The following MAP2K5 variants were observed in gnomAD, a reference collection of about 807,000 sequenced individuals.
The protein encoded by MAP2K5 is dual specificity mitogen-activated protein kinase kinase 5.
A neutral mutation model predicts 83.1 loss-of-function variants in MAP2K5; 49 were observed. The observed-to-expected ratio is 0.59, with a 90% CI of 0.47 to 0.75. The LOEUF (loss-of-function observed/expected upper bound fraction) is 0.75, where lower values mean the gene tolerates loss of function less well. Among genes scored for constraint, MAP2K5 ranks in the 30% least tolerant of loss-of-function variants. The pLI is 0.00. For missense variants in MAP2K5, 457 were observed against 557.5 expected, an observed-to-expected ratio of 0.82 and a Z score of 1.82; for synonymous variants, 202 against 191.8, an observed-to-expected ratio of 1.05 and a Z score of -0.44.
intron 21 of MAP2K5, among the ~76,000 whole-genome samples, chr15:67,773,228 T>A (rs909464645): frequency 6.6e-6 from 1 of 152,158 alleles, no homozygotes; most frequent in African/African-American, 2.4e-5. Flanking sequence ...GCTACAAGGC[T>A]GCGAGTGCTG....
At chr15:67,567,438 C>T (rs1251239543) in intron 3 of MAP2K5, among the ~76,000 whole-genome samples, 3 of 150,642 alleles carry the variant, frequency 2.0e-5, no homozygotes, top group African/African-American at 7.3e-5. Flanking sequence ...AATCTCGGCT[C>T]ACTGCAAGCT....
intron 13 of MAP2K5, among the ~76,000 whole-genome samples, chr15:67,688,756 T>C (rs1302883569): frequency 6.6e-6 from 1 of 152,014 alleles, no homozygotes; most frequent in Non-Finnish European, 1.5e-5. Context: ...CCCTACAGAG[T>C]TGGAAACTAA....
chr15:67,791,213 G>T (rs541908811), intron 21 of MAP2K5, among the ~76,000 whole-genome samples: 1 of 152,310 alleles, frequency 6.6e-6, no homozygotes, highest in South Asian at 2.1e-4. Context: ...TGAAGCTTTG[G>T]AAGAGGAGAC....
chr15:67,748,390 A>G lies in MAP2K5; in HGVS notation c.1101+133A>G. 1 of 871,236 alleles carries G rather than the reference A, an allele frequency of 1.1e-6. No individual in the cohort carries two copies. The highest frequency in any genetic ancestry group is 2.3e-4 in the Middle Eastern group (1 of 4,380). 54.0% of individuals were successfully genotyped at this position (871,236 alleles called of 1,614,324 possible). On this transcript the variant is annotated intron_variant, in intron 18 of 21. Transcript: ENST00000178640. This position sits in a 1 kb window ranked among gnomAD's most constrained non-coding sequence, Gnocchi z 4.0. ...AAAATGCAAACCTTTAACTGCCTGT[A>G]TTAGATTAGGTACCATTAGAAATAA...
intron 6 of MAP2K5, among the ~76,000 whole-genome samples, chr15:67,591,452 G>A (rs1301069031): frequency 6.6e-6 from 1 of 151,304 alleles, no homozygotes; most frequent in Non-Finnish European, 1.5e-5. Context: ...TTGGCTCACT[G>A]CAAGCTCTGC....
At chr15:67,766,612 G>C (rs2090046310) in intron 19 of MAP2K5, among the ~76,000 whole-genome samples, 1 of 152,172 alleles carries the variant, frequency 6.6e-6, no homozygotes, top group African/African-American at 2.4e-5. Flanking sequence ...CAAATTTACT[G>C]TATGCCTCCC....
chr15:67,769,533 G>T lies in MAP2K5; in HGVS notation c.1135-69G>T, dbSNP rs569103830. On this transcript the variant is annotated intron_variant, in intron 19 of 21. Transcript: ENST00000178640. This position sits in a 1 kb window ranked among gnomAD's most constrained non-coding sequence, Gnocchi z 5.2. ...CTTTATACTCATCCTTCACATGGGTGGGTGGGGAATATAAAGAAAGAGAAG... is the reference window on the plus strand; with the variant it reads ...CTTTATACTCATCCTTCACATGGGTTGGTGGGGAATATAAAGAAAGAGAAG... The T allele has an allele frequency of 3.3e-5, 44 of 1,351,248 alleles. 2 individuals are homozygous for T. In the South Asian group the frequency reaches 5.0e-4, roughly 15 times the overall value. 83.7% of individuals were successfully genotyped at this position (1,351,248 alleles called of 1,614,324 possible).
intron 16 of MAP2K5, among the ~76,000 whole-genome samples, chr15:67,705,735 T>C (rs2088535378): frequency 6.7e-6 from 1 of 148,736 alleles, no homozygotes; most frequent in Non-Finnish European, 1.5e-5. Context: ...AAACTCCATC[T>C]CAAAAAAAAA....
chr15:67,805,461 C>G (rs541753399), intron 21 of MAP2K5, among the ~76,000 whole-genome samples: 2 of 152,216 alleles, frequency 1.3e-5, no homozygotes, highest in Admixed American at 1.3e-4. Context: ...GAGCTCGTGG[C>G]GAGGCCATGC....
intron 13 of MAP2K5, among the ~76,000 whole-genome samples, chr15:67,682,315 C>G (rs1353436782): frequency 6.6e-6 from 1 of 151,720 alleles, no homozygotes; most frequent in Non-Finnish European, 1.5e-5. Flanking sequence ...CTCCTGGGTT[C>G]AAGCGATTCT....
chr15:67,606,616 G>A (rs991514878), intron 8 of MAP2K5, among the ~76,000 whole-genome samples: 3 of 152,126 alleles, frequency 2.0e-5, no homozygotes, highest in African/African-American at 7.2e-5. Flanking sequence ...GTCCTTGGAG[G>A]TGGTAACTGA....
intron 19 of MAP2K5, among the ~76,000 whole-genome samples, chr15:67,767,881 A>G (rs1002949229): frequency 6.6e-6 from 1 of 151,744 alleles, no homozygotes; most frequent in Non-Finnish European, 1.5e-5. Flanking sequence ...TTTCACTCCC[A>G]TTTTTCCTTT....
At chr15:67,604,982 G>A (rs2085748649) in intron 8 of MAP2K5, among the ~76,000 whole-genome samples, 3 of 152,046 alleles carry the variant, frequency 2.0e-5, no homozygotes, top group Admixed American at 2.0e-4. Context: ...GTTAACTACT[G>A]GTAATGGTAG....
chr15:67,657,446 A>G (rs1338715628), intron 11 of MAP2K5, among the ~76,000 whole-genome samples: 1 of 152,154 alleles, frequency 6.6e-6, no homozygotes. Flanking sequence ...TATCTGAAAG[A>G]TCAATGAGAA....
Position 67,586,493 on chromosome 15 carries a change from A to G in MAP2K5, c.364-353A>G, listed in dbSNP as rs536684239. On this transcript the variant is annotated intron_variant, in intron 5 of 21. Transcript: ENST00000178640. ...TGTTCTGCTTGGTTGCAGAGCTGGA[A>G]GGATATAACTTGAGGTTCACTACTA... Among the ~76,000 whole-genome samples, 3 of 152,274 alleles carry G rather than the reference A, an allele frequency of 2.0e-5. No homozygotes were observed. The South Asian group carries it at 6.2e-4, about 32-fold the overall frequency.
intron 15 of MAP2K5, 50 bp downstream of exon 15, chr15:67,693,618 T>A: frequency 7.6e-7 from 1 of 1,315,846 alleles, no homozygotes; most frequent in Non-Finnish European, 1.1e-6. Flanking sequence ...TCTTTATCTT[T>A]ATGTACTTGG....
intron 7 of MAP2K5, among the ~76,000 whole-genome samples, chr15:67,600,074 CTATA>C (rs1247495435): frequency 2.0e-5 from 3 of 152,072 alleles, no homozygotes; most frequent in African/African-American, 7.2e-5. Context: ...TAATATTCGA[CTATA>C]TGTGCATCTT....
chr15:67,619,281 T>C (rs1174902645), intron 8 of MAP2K5, among the ~76,000 whole-genome samples: 1 of 152,190 alleles, frequency 6.6e-6, no homozygotes, highest in African/African-American at 2.4e-5. Context: ...CTCTATATCC[T>C]TACCTTTATT....
chr15:67,650,706 T>C (rs896897353), intron 11 of MAP2K5, among the ~76,000 whole-genome samples: 3 of 152,166 alleles, frequency 2.0e-5, no homozygotes, highest in African/African-American at 7.2e-5. Flanking sequence ...TGTAATTCTT[T>C]TTATATGTTC....
Sources: allele counts gnomAD v4.1 joint callset (sites outside exome capture counted in the v4.1 genomes callset), GRCh38; gene constraint gnomAD v4.1.1; non-coding constraint Gnocchi (gnomAD v3.1); transcripts MANE v1.5; gene names NCBI Gene and HGNC (gene_info 2026-07-23, HGNC 2026-07-21).